Variants in BTNL3 observed in about 807,000 individuals in gnomAD.
The protein encoded by BTNL3 is butyrophilin-like protein 3.
In BTNL3, 20 loss-of-function variants were observed where a neutral mutation model predicts 40.1. That is an observed-to-expected ratio of 0.50 (90% CI 0.35 to 0.72). The LOEUF (loss-of-function observed/expected upper bound fraction) is 0.72. Ranked by LOEUF, BTNL3 falls within the 30% of genes least tolerant of loss-of-function variation. The pLI, the probability that BTNL3 is intolerant of heterozygous loss-of-function variation, is 0.01. For synonymous variants in BTNL3, 179 were observed against 222.1 expected (o/e 0.81, Z 1.73); for missense variants, 449 against 582.2 (o/e 0.77, Z 2.35).
At chr5:180,998,394 T>C (rs1357451855) in intron 3 of BTNL3, among the ~76,000 whole-genome samples, 1 of 136,004 alleles carries the variant, frequency 7.4e-6, no homozygotes, top group Non-Finnish European at 1.7e-5. Context: ...AGAAAAAAGG[T>C]CATACTTCGA....
intron 4 of BTNL3, 122 bp from the exon 5 acceptor site, chr5:181,003,734 T>C: frequency 6.5e-7 from 1 of 1,530,798 alleles, no homozygotes; most frequent in South Asian, 1.2e-5. Flanking sequence ...CACATATAAG[T>C]GTCCTAGGAG....
At position 181,005,620 on chromosome 5, in the gene BTNL3, A is replaced by C; in HGVS notation, c.1149A>C (p.Thr383=). 6.2e-7 allele frequency: 1 copy of C among 1,614,030 alleles called. No individual in the cohort carries two copies. ...PNNGYWVLRL[T]TEHLYFTFNP... The stretch of plus-strand genomic sequence containing the variant: ...ATGGGTATTGGGTCCTCAGACTGAC[A>C]ACAGAACATTTGTATTTCACATTCA... The change falls in exon 8 of 8, where the codon ACA becomes ACC. Residue 383 remains threonine, a synonymous_variant. Coordinates refer to ENST00000342868, the MANE Select transcript of BTNL3 (RefSeq NM_197975.3).
chr5:180,994,856 G>A (rs1760014971), intron 2 of BTNL3, among the ~76,000 whole-genome samples: 1 of 132,254 alleles, frequency 7.6e-6, no homozygotes, highest in African/African-American at 2.6e-5. Context: ...GTGCAATCTC[G>A]CTCACTGCAA....
chr5:180,996,721 A>AT (rs1760038723), intron 2 of BTNL3, among the ~76,000 whole-genome samples: 2 of 135,776 alleles, frequency 1.5e-5, no homozygotes, highest in South Asian at 4.4e-4. Flanking sequence ...CAAAACTCCT[A>AT]TTTTCTGACA....
At chr5:181,002,432 G>A in intron 3 of BTNL3, among the ~76,000 whole-genome samples, 1 of 91,806 alleles carries the variant, frequency 1.1e-5, no homozygotes, top group African/African-American at 3.5e-5. Flanking sequence ...GACTTATAAA[G>A]AAATGCAAAG....
rs1302462450 is a variant in BTNL3, at chr5:181,002,732, G to T, written c.734G>T (p.Gly245Val). The T allele has an allele frequency of 2.1e-6, 3 of 1,456,408 alleles. 1 individual carries two copies. The highest frequency in any genetic ancestry group is 2.8e-6 in the Non-Finnish European group (3 of 1,055,680). The allele number at this position is 1,456,408 out of a possible 1,614,324, so 90.2% of individuals were successfully genotyped here. The change falls in exon 4 of 8, where the codon GGT becomes GTT. Residue 245 changes from glycine to valine, a missense_variant. Gly to Val is a moderately radical substitution (Grantham distance 109). Transcript: ENST00000342868. Reference sequence around the variant, plus strand: ...TCTATTTTACTCGGGTTACTCTGTGGTGCCCTGTGTGGTGTTGTCATGGGG... The same window carrying T: ...TCTATTTTACTCGGGTTACTCTGTGTTGCCCTGTGTGGTGTTGTCATGGGG... ...LASILLGLLC[G>V]ALCGVVMGMI... is the part of the protein sequence containing the mutation.
At chr5:180,998,677 T>C (rs1760065644) in intron 3 of BTNL3, among the ~76,000 whole-genome samples, 1 of 137,356 alleles carries the variant, frequency 7.3e-6, no homozygotes, top group African/African-American at 2.5e-5. Context: ...CAAAAGATAG[T>C]TTAAATTCTT....
intron 5 of BTNL3, among the ~76,000 whole-genome samples, chr5:181,004,165 G>A (rs1467938903): frequency 3.3e-5 from 5 of 151,866 alleles, no homozygotes; most frequent in Non-Finnish European, 4.4e-5. Context: ...AGCTCTGAGG[G>A]TGTCTGGGCC....
At position 181,005,955 on chromosome 5, in the gene BTNL3, GC is replaced by G; in HGVS notation, c.*84del. 1 of 1,419,970 alleles carries G rather than the reference GC, an allele frequency of 7.0e-7. No individual in the cohort carries two copies. Among genetic ancestry groups the G allele is most frequent in the South Asian group, 1.5e-5 (1 of 67,884 alleles). 88.0% of individuals were successfully genotyped at this position (1,419,970 alleles called of 1,614,324 possible). The stretch of plus-strand genomic sequence containing the variant: ...AGAGTGCTCCCGACAGGTGGCCCCA[GC>G]TTCCTCTCCGGAGCCTGCGCACAGA... On this transcript the variant is annotated 3_prime_UTR_variant, in exon 8 of 8. Transcript: ENST00000342868.
At chr5:181,003,943 G>A in intron 5 of BTNL3, 67 bp downstream of exon 5, 2 of 1,613,226 alleles carry the variant, frequency 1.2e-6, no homozygotes, top group East Asian at 2.2e-5. Flanking sequence ...CACAGTTTGA[G>A]CCTCTGGACG....
At position 181,004,747 on chromosome 5, in the gene BTNL3, G is replaced by A. The variant is rs201534771; in HGVS notation, c.847G>A (p.Ala283Thr). Reference sequence around the variant, plus strand: ...CTGCTTGCTTTCAGAATTGAGAGACGCCCGGAAACACGCAGGTACCAACGC... The same window carrying A: ...CTGCTTGCTTTCAGAATTGAGAGACACCCGGAAACACGCAGGTACCAACGC... ...RKHGQAELRD[A>T]RKHAVEVTLD... is the part of the protein sequence containing the mutation. The change falls in exon 7 of 8, where the codon GCC (alanine) becomes ACC (threonine). Residue 283 changes from alanine (A) to threonine (T), a missense_variant. Physicochemically the swap from Ala to Thr is moderately conservative, Grantham distance 58 (BLOSUM62 0). Around this residue, in one of 2 missense-constraint regions of BTNL3, gnomAD observed 323 missense variants for 464.9 expected, o/e 0.69. Transcript: ENST00000342868. 122 of 1,614,040 alleles carry A rather than the reference G, an allele frequency of 7.6e-5. No individual in the cohort carries two copies. The highest frequency in any genetic ancestry group is 1.5e-4 in the Admixed American group (9 of 59,994).
rs1214929983 is a variant in BTNL3 at position 180,995,678 on chromosome 5, C to A, written c.398-1535C>A. On this transcript the variant is annotated intron_variant, in intron 2 of 7. Transcript: ENST00000342868. ...GAAAAAGTACTCTTCCCCTGGTCTC[C>A]AGTCAATGGGGCTTATGATCAATTC... Among the ~76,000 whole-genome samples, 3 of 136,278 alleles carry A rather than the reference C, an allele frequency of 2.2e-5. 1 individual carries two copies. The Admixed American group carries it at 2.3e-4, about 11-fold the overall frequency. The allele number at this position is 136,278 out of a possible 152,430, so 89.4% of individuals were successfully genotyped here.
At chr5:181,000,591 G>A (rs988178049) in intron 3 of BTNL3, among the ~76,000 whole-genome samples, 4 of 134,006 alleles carry the variant, frequency 3.0e-5, no homozygotes, top group African/African-American at 1.0e-4. Flanking sequence ...TGGATCATGA[G>A]GTCAGGAGAT....
chr5:180,998,956 G>A (rs1248260917), intron 3 of BTNL3, among the ~76,000 whole-genome samples: 5 of 135,792 alleles, frequency 3.7e-5, no homozygotes, highest in Admixed American at 7.8e-5. Context: ...GTGAAACCCC[G>A]TCTCTACTAA....
intron 1 of BTNL3, among the ~76,000 whole-genome samples, chr5:180,992,015 C>A (rs1017477554): frequency 7.3e-6 from 1 of 137,414 alleles, no homozygotes; most frequent in African/African-American, 2.5e-5. Context: ...CTCATGCAGC[C>A]CACAGGCTGT....
At chr5:180,992,598 T>A (rs1015883147) in intron 1 of BTNL3, among the ~76,000 whole-genome samples, 2 of 136,940 alleles carry the variant, frequency 1.5e-5, no homozygotes, top group African/African-American at 5.0e-5. Flanking sequence ...AGCACATACC[T>A]CACCTCATCT....
intron 6 of BTNL3, 101 bp downstream of exon 6, chr5:181,004,544 G>A (rs911182833): frequency 1.7e-6 from 2 of 1,148,126 alleles, no homozygotes; most frequent in Non-Finnish European, 2.5e-6. Flanking sequence ...GCAGAGCCAA[G>A]CTTGTGATGG....
chr5:180,992,937 T>A lies in BTNL3; in HGVS notation c.174T>A (p.Asn58Lys). The A allele has an allele frequency of 1.4e-6, 2 of 1,463,082 alleles. 1 individual carries two copies. Among genetic ancestry groups the A allele is most frequent in the Non-Finnish European group, 1.9e-6 (2 of 1,058,860 alleles). 90.6% of individuals were successfully genotyped at this position (1,463,082 alleles called of 1,614,324 possible). A position where few individuals can be genotyped will look rare whatever the true frequency, so the allele number is the denominator to read the frequency against. ...AEAMEVRFFR[N>K]QFHAVVHLYR... ...CTATGGAAGTGCGGTTCTTCAGGAA[T>A]CAGTTCCATGCTGTGGTCCACCTCT... Residue 58 changes from asparagine to lysine, a missense_variant, in exon 2 of 8, where the codon AAT (asparagine) becomes AAA (lysine). By Grantham distance (94) the Asn-to-Lys change is moderately conservative. Transcript: ENST00000342868.
chr5:181,004,360 C>G, intron 5 of BTNL3, 57 bp from the exon 6 acceptor site: 1 of 793,280 alleles, frequency 1.3e-6, no homozygotes, highest in East Asian at 2.7e-5. Context: ...CTCCCTGGGC[C>G]CCCGCTCTGT....
Sources: allele counts gnomAD v4.1 joint callset (sites outside exome capture counted in the v4.1 genomes callset), GRCh38; gene constraint gnomAD v4.1.1; regional missense constraint gnomAD v4.1.1; transcripts MANE v1.5; gene names NCBI Gene and HGNC (gene_info 2026-07-23, HGNC 2026-07-21).